Variants in ATP11C observed in about 807,000 individuals in gnomAD.
ATP11C encodes ATPase phospholipid transporting 11C (ATP11C blood group).
Under a neutral mutation model 97.4 loss-of-function variants are expected in ATP11C, and 36 were observed. The ratio of observed to expected loss-of-function variants is 0.37; its 90% CI spans 0.28 to 0.49. The LOEUF is 0.49. ATP11C is among the 20% of genes least tolerant of loss of function. The pLI, the probability that ATP11C is intolerant of heterozygous loss-of-function variation, is 0.98. For missense variants in ATP11C, 730 were observed against 824.6 expected (o/e 0.89, Z 1.40); for synonymous variants, 275 against 290.9 (o/e 0.95, Z 0.56).
chrX:139,768,140 A>T (rs2082175785), intron 20 of ATP11C, 120 bp downstream of exon 20: 1 of 486,383 alleles, frequency 2.1e-6, no homozygotes, highest in Non-Finnish European at 3.0e-6. Flanking sequence ...GCCTTGGAGG[A>T]AGAAATTAGA....
At chrX:139,833,402 C>T (rs1342470944) in intron 1 of ATP11C, among the ~76,000 whole-genome samples, 1 of 111,314 alleles carries the variant, frequency 9.0e-6, no homozygotes, top group Non-Finnish European at 1.9e-5. Flanking sequence ...GGTTTCGGGG[C>T]GGGGGGCGCA....
intron 1 of ATP11C, among the ~76,000 whole-genome samples, chrX:139,841,529 G>A (rs926897998): frequency 8.9e-6 from 1 of 112,377 alleles, no homozygotes. Flanking sequence ...AACTCCAAAT[G>A]AGAATATTAA....
intron 5 of ATP11C, among the ~76,000 whole-genome samples, chrX:139,810,254 G>A (rs890365467): frequency 3.6e-5 from 4 of 111,210 alleles, no homozygotes; most frequent in African/African-American, 9.8e-5. Flanking sequence ...TGCGGAGTTC[G>A]ACACCAGCCT....
rs1328036355 is a variant in ATP11C, at chrX:139,750,083, T to C, written c.2770A>G (p.Ser924Gly). The change falls in exon 24 of 30, where the codon AGT becomes GGT. Residue 924 changes from serine to glycine, a missense_variant. Ser to Gly is a moderately conservative substitution (Grantham distance 56). Transcript: ENST00000682941. Reference protein sequence around the residue: ...CFTSLPILAYSLLEQHINIDT... With the variant: ...CFTSLPILAYGLLEQHINIDT... ...ATGTTGATGTGCTGTTCCAGTAGAC[T>C]ATAGGCCAGGATGGGCAAGGATGTG... 7 of 1,204,005 alleles carry C rather than the reference T, an allele frequency of 5.8e-6. No individual in the cohort carries two copies. In the Admixed American group the frequency reaches 1.5e-4, roughly 26 times the overall value.
intron 27 of ATP11C, among the ~76,000 whole-genome samples, chrX:139,740,282 T>C: frequency 8.9e-6 from 1 of 111,787 alleles, no homozygotes; most frequent in South Asian, 3.7e-4. Context: ...GATGCAAATA[T>C]ATAACTCTCC....
At chrX:139,798,193 G>A (rs1031623594) in intron 10 of ATP11C, 80 bp downstream of exon 10, 30 of 857,163 alleles carry the variant, frequency 3.5e-5, no homozygotes, top group Non-Finnish European at 4.3e-5. Flanking sequence ...GTTGTTTTTT[G>A]TTATGCTTGT....
intron 3 of ATP11C, among the ~76,000 whole-genome samples, chrX:139,818,916 T>C (rs1279651269): frequency 3.6e-5 from 4 of 111,824 alleles, no homozygotes; most frequent in Non-Finnish European, 5.6e-5. Flanking sequence ...AGTGAGTAAA[T>C]GAATGAGAGA....
intron 1 of ATP11C, among the ~76,000 whole-genome samples, chrX:139,911,978 A>T (rs1037899071): frequency 1.8e-5 from 2 of 109,103 alleles, no homozygotes; most frequent in African/African-American, 6.7e-5. Context: ...CAGGAGTTCA[A>T]GACCAGCCTG....
intron 2 of ATP11C, among the ~76,000 whole-genome samples, chrX:139,824,445 T>C (rs929489355): frequency 8.9e-6 from 1 of 111,875 alleles, no homozygotes; most frequent in Non-Finnish European, 1.9e-5. Flanking sequence ...TTCACGCCTG[T>C]AATCCCAGCA....
intron 15 of ATP11C, among the ~76,000 whole-genome samples, chrX:139,785,909 T>G (rs528962141): frequency 9.0e-6 from 1 of 111,251 alleles, no homozygotes; most frequent in East Asian, 2.8e-4. Context: ...GCCATGGCAT[T>G]CTGAGTAGAG....
chrX:139,742,335 A>C (rs962661327), intron 26 of ATP11C, among the ~76,000 whole-genome samples: 2 of 112,118 alleles, frequency 1.8e-5, no homozygotes, highest in Non-Finnish European at 3.8e-5. Flanking sequence ...ACAGAGAGGT[A>C]AAGTTACTTG....
At chrX:139,886,373 G>A (rs1162096228) in intron 1 of ATP11C, among the ~76,000 whole-genome samples, 3 of 110,653 alleles carry the variant, frequency 2.7e-5, no homozygotes, top group Non-Finnish European at 5.7e-5. Flanking sequence ...GGCAGATCAC[G>A]AGGTCAAGAG....
chrX:139,792,127 G>A (rs1280439272), intron 12 of ATP11C, among the ~76,000 whole-genome samples: 1 of 110,451 alleles, frequency 9.1e-6, no homozygotes, highest in African/African-American at 3.3e-5. Context: ...AAGAGGGGCT[G>A]AAGGTTAAGC....
chrX:139,762,922 G>A (rs1429609293), intron 21 of ATP11C, among the ~76,000 whole-genome samples: 1 of 111,676 alleles, frequency 9.0e-6, no homozygotes, highest in African/African-American at 3.3e-5. Flanking sequence ...TCATTTCTTA[G>A]CCCCAAACAG....
At chrX:139,920,973 G>A (rs899221046) in intron 1 of ATP11C, among the ~76,000 whole-genome samples, 12 of 111,841 alleles carry the variant, frequency 1.1e-4, no homozygotes, top group African/African-American at 3.9e-4. Flanking sequence ...AGAACCTACT[G>A]GATTCTCTGA....
At chrX:139,883,713 G>T (rs1728612088) in intron 1 of ATP11C, among the ~76,000 whole-genome samples, 1 of 111,304 alleles carries the variant, frequency 9.0e-6, no homozygotes, top group African/African-American at 3.3e-5. Context: ...AATTAAATAA[G>T]AAGATGTGGC....
chrX:139,774,122 T>C (rs895752835), intron 19 of ATP11C, among the ~76,000 whole-genome samples: 9 of 112,135 alleles, frequency 8.0e-5, no homozygotes, highest in African/African-American at 2.9e-4. Context: ...AGAAAATATA[T>C]CTCTGGGCAC....
At chrX:139,800,285 G>A in intron 7 of ATP11C, among the ~76,000 whole-genome samples, 175 bp from the exon 8 acceptor site, 1 of 111,391 alleles carries the variant, frequency 9.0e-6, no homozygotes, top group East Asian at 2.8e-4. Flanking sequence ...GAATTGATAA[G>A]GTGTATAACA....
chrX:139,830,395 T>A (rs1057130634), intron 1 of ATP11C, among the ~76,000 whole-genome samples: 3 of 112,025 alleles, frequency 2.7e-5, no homozygotes, highest in Non-Finnish European at 5.6e-5. Flanking sequence ...TTAAACAATT[T>A]GCTTTCCAAA....
Sources: gnomAD v4.1 joint callset for allele counts (sites outside exome capture counted in the v4.1 genomes callset) on GRCh38, gnomAD v4.1.1 for gene constraint, MANE v1.5 for transcripts, NCBI Gene and HGNC (gene_info 2026-07-23, HGNC 2026-07-21) for gene names.